EXOC6B: variants seen among roughly 807,000 people sequenced by gnomAD.
EXOC6B encodes SEC15 homolog B.
EXOC6B carries 54 observed loss-of-function variants against 113.5 expected under a neutral mutation model. The observed-to-expected ratio is 0.48, with a 90% CI of 0.38 to 0.60. The LOEUF is 0.60. EXOC6B is among the 20% of genes least tolerant of loss of function. The probability of loss-of-function intolerance (pLI) is 0.00; values close to 1 mark genes in which losing one functional copy is unlikely to be tolerated. For synonymous variants in EXOC6B, 357 were observed against 339.0 expected (o/e 1.05, Z -0.58); for missense variants, 797 against 977.5 (o/e 0.82, Z 2.46).
intron 18 of EXOC6B, among the ~76,000 whole-genome samples, chr2:72,394,180 T>C (rs895361015): frequency 6.6e-6 from 1 of 152,154 alleles, no homozygotes; most frequent in Non-Finnish European, 1.5e-5. Context: ...AGTAAATAAT[T>C]GAAAATGACA....
intron 18 of EXOC6B, among the ~76,000 whole-genome samples, chr2:72,427,859 A>T (rs1053755834): frequency 2.6e-5 from 4 of 152,078 alleles, no homozygotes; most frequent in Admixed American, 2.6e-4. Flanking sequence ...CCACCCATGG[A>T]CCAATTGGCA....
chr2:72,186,238 T>C (rs1024891796), intron 20 of EXOC6B, among the ~76,000 whole-genome samples: 1 of 152,216 alleles, frequency 6.6e-6, no homozygotes, highest in Non-Finnish European at 1.5e-5. Flanking sequence ...GCATGATTTA[T>C]AATCCTTTGG....
chr2:72,774,364 T>C (rs957532747), intron 1 of EXOC6B, among the ~76,000 whole-genome samples: 15 of 152,138 alleles, frequency 9.9e-5, no homozygotes, highest in African/African-American at 3.6e-4. Context: ...TACTACATTA[T>C]CACTATCCAT....
At chr2:72,494,022 A>G (rs1477251256) in intron 15 of EXOC6B, among the ~76,000 whole-genome samples, 6 of 152,154 alleles carry the variant, frequency 3.9e-5, no homozygotes, top group Non-Finnish European at 4.4e-5. Flanking sequence ...GATATAAGAT[A>G]AATGCCAAAT....
At chr2:72,579,346 T>C (rs1429942763) in intron 6 of EXOC6B, among the ~76,000 whole-genome samples, 1 of 152,244 alleles carries the variant, frequency 6.6e-6, no homozygotes, top group African/African-American at 2.4e-5. Flanking sequence ...CCTCAGTGTA[T>C]ACAACTCTTT....
chr2:72,474,127 T>A (rs1027506976), intron 17 of EXOC6B, among the ~76,000 whole-genome samples: 1 of 152,046 alleles, frequency 6.6e-6, no homozygotes, highest in African/African-American at 2.4e-5. Context: ...TTCTGAGAAA[T>A]CCACTGTTAG....
intron 6 of EXOC6B, among the ~76,000 whole-genome samples, chr2:72,575,900 C>A (rs944974794): frequency 6.6e-6 from 1 of 152,042 alleles, no homozygotes; most frequent in African/African-American, 2.4e-5. Flanking sequence ...CTGGAGCCAT[C>A]GTATTTTAAC....
At chr2:72,291,079 G>T (rs911314435) in intron 20 of EXOC6B, among the ~76,000 whole-genome samples, 2 of 152,102 alleles carry the variant, frequency 1.3e-5, no homozygotes, top group Non-Finnish European at 2.9e-5. Flanking sequence ...GCTCATAAAC[G>T]TTTGAAAATA....
At chr2:72,472,612 T>C (rs566244222) in intron 17 of EXOC6B, among the ~76,000 whole-genome samples, 6 of 152,236 alleles carry the variant, frequency 3.9e-5, no homozygotes, top group Admixed American at 3.3e-4. Flanking sequence ...TTAGTCTAGC[T>C]AGTGGTTGTT....
chr2:72,615,491 C>T (rs1400072078), intron 6 of EXOC6B, among the ~76,000 whole-genome samples: 1 of 150,358 alleles, frequency 6.7e-6, no homozygotes, highest in Non-Finnish European at 1.5e-5. Context: ...AGGGCTGTCA[C>T]ATGGTCAAGT....
At chr2:72,331,261 C>T (rs1419809138) in intron 20 of EXOC6B, among the ~76,000 whole-genome samples, 1 of 152,056 alleles carries the variant, frequency 6.6e-6, no homozygotes, top group Non-Finnish European at 1.5e-5. Context: ...TCCCACAACA[C>T]TTAGGTTGTG....
At chr2:72,221,082 C>G (rs1304873131) in intron 20 of EXOC6B, among the ~76,000 whole-genome samples, 1 of 152,192 alleles carries the variant, frequency 6.6e-6, no homozygotes, top group Non-Finnish European at 1.5e-5. Flanking sequence ...TTTCTTCTAT[C>G]AAACCATGTA....
intron 20 of EXOC6B, among the ~76,000 whole-genome samples, chr2:72,230,720 T>C (rs928163431): frequency 6.6e-6 from 1 of 152,192 alleles, no homozygotes; most frequent in African/African-American, 2.4e-5. Flanking sequence ...AAGTGTGCAA[T>C]TGTTAGATAT....
intron 1 of EXOC6B, among the ~76,000 whole-genome samples, chr2:72,763,570 G>A (rs537673868): frequency 1.6e-4 from 25 of 151,654 alleles, no homozygotes; most frequent in African/African-American, 3.1e-4. Flanking sequence ...CTACAGGTGC[G>A]TGCCACCACA....
In EXOC6B at chr2:72,437,424, C is replaced by T. The variant is rs563697163; in HGVS notation, c.1980+27736G>A. Among the ~76,000 whole-genome samples the T allele has an allele frequency of 7.8e-4, 119 of 152,340 alleles. No individual in the cohort carries two copies. The South Asian group carries it at 0.024, about 31-fold the overall frequency. On this transcript the variant is annotated intron_variant, in intron 18 of 21. Coordinates refer to ENST00000272427, the MANE Select transcript of EXOC6B (RefSeq NM_015189.3). ...TCTGTTCCGTAGCAGAACTTGAGTG[C>T]TGTACTGGGAGATCCACTGCTCTCT... is the stretch of plus-strand genomic sequence containing the variant.
intron 1 of EXOC6B, among the ~76,000 whole-genome samples, chr2:72,802,002 A>G (rs904247506): frequency 6.6e-6 from 1 of 152,174 alleles, no homozygotes; most frequent in East Asian, 1.9e-4. Context: ...TCATAATAAG[A>G]TTATTAGACA....
At chr2:72,490,359 T>C (rs1699672058) in intron 16 of EXOC6B, among the ~76,000 whole-genome samples, 1 of 152,168 alleles carries the variant, frequency 6.6e-6, no homozygotes, top group Non-Finnish European at 1.5e-5. Flanking sequence ...CAAATGTTAC[T>C]GTACTAACTG....
At chr2:72,509,613 G>C (rs1471569946) in intron 11 of EXOC6B, among the ~76,000 whole-genome samples, 1 of 151,866 alleles carries the variant, frequency 6.6e-6, no homozygotes, top group African/African-American at 2.4e-5. Flanking sequence ...AAAGGTAAGA[G>C]ACATTAAATT....
chr2:72,691,606 T>A (rs1259802222), intron 6 of EXOC6B, among the ~76,000 whole-genome samples: 8 of 151,694 alleles, frequency 5.3e-5, no homozygotes, highest in Non-Finnish European at 1.0e-4. Context: ...GTAAAAAAAA[T>A]TTAACAGGAA....
Sources: gnomAD v4.1 joint callset for allele counts (sites outside exome capture counted in the v4.1 genomes callset) on GRCh38, gnomAD v4.1.1 for gene constraint, MANE v1.5 for transcripts, NCBI Gene and HGNC (gene_info 2026-07-23, HGNC 2026-07-21) for gene names.